PSD3: variants seen among roughly 807,000 people sequenced by gnomAD.
PSD3 encodes PH and SEC7 domain-containing protein 3.
In PSD3, 49 loss-of-function variants were observed where a neutral mutation model predicts 105.5. The ratio of observed to expected loss-of-function variants is 0.46; its 90% CI spans 0.37 to 0.59. The LOEUF is 0.59. Ranked by LOEUF, PSD3 falls within the 20% of genes least tolerant of loss-of-function variation. The pLI, the probability that PSD3 is intolerant of heterozygous loss-of-function variation, is 0.00. For synonymous variants in PSD3, 557 were observed against 457.8 expected (o/e 1.22, Z -2.77); for missense variants, 1,561 against 1,263.8 (o/e 1.24, Z -3.57).
chr8:18,924,041 G>A (rs1056751822), intron 2 of PSD3, among the ~76,000 whole-genome samples: 2 of 152,052 alleles, frequency 1.3e-5, no homozygotes, highest in African/African-American at 4.8e-5. Context: ...ACACTTCTTA[G>A]TTATCTTAGT....
chr8:18,565,188 AAGTCCCGACAT>A (rs1801659442), intron 14 of PSD3, among the ~76,000 whole-genome samples: 1 of 152,150 alleles, frequency 6.6e-6, no homozygotes, highest in African/African-American at 2.4e-5. Context: ...CATTTTCTGC[AAGTCCCGACAT>A]AGCTGTTGTG....
At chr8:18,548,064 T>C (rs1448889960) in intron 15 of PSD3, among the ~76,000 whole-genome samples, 4 of 152,232 alleles carry the variant, frequency 2.6e-5, no homozygotes, top group East Asian at 1.9e-4. Context: ...TCTCAGCTTC[T>C]TTCTTCTGCA....
chr8:18,632,645 C>G lies in PSD3; in HGVS notation c.2378G>C (p.Arg793Pro). 1 of 1,612,056 alleles carries G rather than the reference C, an allele frequency of 6.2e-7. No individual in the cohort carries two copies. Among genetic ancestry groups the G allele is most frequent in the Non-Finnish European group, 8.5e-7 (1 of 1,178,914 alleles). Reference protein sequence around the residue: ...AAVYKSGFLARKIHADMDGKK... With the variant: ...AAVYKSGFLAPKIHADMDGKK... ...TCCATCCATATCTGCATGAATTTTC[C>G]GAGCCAAGAATCCACTTTTGTACAC... The change falls in exon 11 of 16, where the codon CGG becomes CCG. Residue 793 changes from arginine to proline, a missense_variant. Transcript: ENST00000327040.
At chr8:18,808,675 T>C in intron 4 of PSD3, 2 of 1,569,706 alleles carry the variant, frequency 1.3e-6, no homozygotes, top group Non-Finnish European at 8.8e-7. Context: ...TTTCACAGTT[T>C]AGGAGATTAT....
At chr8:18,866,632 T>C (rs1816953817) in intron 4 of PSD3, among the ~76,000 whole-genome samples, 1 of 152,116 alleles carries the variant, frequency 6.6e-6, no homozygotes, top group African/African-American at 2.4e-5. Context: ...CACAAGAAAA[T>C]GCATAGCTAC....
At chr8:18,751,595 C>A (rs1217254205) in intron 9 of PSD3, among the ~76,000 whole-genome samples, 11 of 149,470 alleles carry the variant, frequency 7.4e-5, no homozygotes, top group Admixed American at 7.3e-4. Flanking sequence ...TAGTCACTAG[C>A]AACACTAAGG....
At chr8:18,714,427 GA>G (rs80018511) in intron 9 of PSD3, among the ~76,000 whole-genome samples, 1,362 of 108,594 alleles carry the variant, frequency 0.013, 12 homozygotes, top group African/African-American at 0.023. Flanking sequence ...AAATTTACAA[GA>G]AAAAAAAAAA....
chr8:18,843,132 G>C (rs556664127), intron 4 of PSD3, among the ~76,000 whole-genome samples: 3 of 152,030 alleles, frequency 2.0e-5, no homozygotes, highest in South Asian at 4.2e-4. Flanking sequence ...AGGCCGAGAC[G>C]GGCGGATCAC....
intron 10 of PSD3, among the ~76,000 whole-genome samples, chr8:18,637,477 C>G (rs779596012): frequency 1.7e-4 from 26 of 152,314 alleles, no homozygotes; most frequent in Admixed American, 8.5e-4. Flanking sequence ...TGGCCAACTC[C>G]TCTCTCCCAT....
At chr8:19,025,647 G>A (rs904020665) in intron 1 of PSD3, among the ~76,000 whole-genome samples, 4 of 152,172 alleles carry the variant, frequency 2.6e-5, no homozygotes. Context: ...TTGGTCAGAA[G>A]TACTGGTGGC....
At chr8:19,051,209 A>G (rs535745695) in intron 1 of PSD3, among the ~76,000 whole-genome samples, 10 of 152,194 alleles carry the variant, frequency 6.6e-5, no homozygotes, top group South Asian at 6.2e-4. Context: ...TCTGGTCCCA[A>G]TCGGGGGATG....
intron 1 of PSD3, among the ~76,000 whole-genome samples, chr8:19,074,716 G>T (rs1829404633): frequency 6.9e-6 from 1 of 145,762 alleles, no homozygotes; most frequent in Non-Finnish European, 1.5e-5. Flanking sequence ...CGCCTCCCGG[G>T]TTCACGCCAT....
chr8:18,564,763 C>T (rs1389485831), intron 14 of PSD3, among the ~76,000 whole-genome samples: 8 of 152,038 alleles, frequency 5.3e-5, no homozygotes, highest in Admixed American at 3.9e-4. Context: ...TCCCACTGCC[C>T]GTAAGGTCAG....
chr8:18,594,819 C>T (rs543679137), intron 12 of PSD3, among the ~76,000 whole-genome samples: 1 of 152,182 alleles, frequency 6.6e-6, no homozygotes, highest in South Asian at 2.1e-4. Context: ...CACATCACTT[C>T]ATTGGCATAG....
intron 1 of PSD3, among the ~76,000 whole-genome samples, chr8:19,069,556 C>A (rs1829185436): frequency 6.6e-6 from 1 of 152,272 alleles, no homozygotes; most frequent in Non-Finnish European, 1.5e-5. Flanking sequence ...GATTTGTACA[C>A]AAATACTTGA....
At chr8:18,963,812 A>G (rs1824076802) in intron 1 of PSD3, among the ~76,000 whole-genome samples, 2 of 152,216 alleles carry the variant, frequency 1.3e-5, no homozygotes, top group African/African-American at 4.8e-5. Flanking sequence ...CATGAAGCAA[A>G]TATGTCATTG....
intron 14 of PSD3, among the ~76,000 whole-genome samples, chr8:18,566,108 C>A (rs764107262): frequency 7.9e-5 from 12 of 152,116 alleles, no homozygotes; most frequent in Non-Finnish European, 1.6e-4. Context: ...TAGATATCCC[C>A]AAGAGCCTCA....
intron 1 of PSD3, among the ~76,000 whole-genome samples, chr8:19,007,870 G>A (rs879270558): frequency 6.6e-6 from 1 of 152,090 alleles, no homozygotes; most frequent in Middle Eastern, 3.4e-3. Context: ...TTGAGAGGGA[G>A]TCTCGCTCTG....
At chr8:18,989,929 G>C (rs1177092294) in intron 1 of PSD3, among the ~76,000 whole-genome samples, 1 of 152,122 alleles carries the variant, frequency 6.6e-6, no homozygotes, top group South Asian at 2.1e-4. Context: ...TATCCAACAA[G>C]AGTGCTACAT....
Sources: allele counts gnomAD v4.1 joint callset (sites outside exome capture counted in the v4.1 genomes callset), GRCh38; gene constraint gnomAD v4.1.1; transcripts MANE v1.5; gene names NCBI Gene and HGNC (gene_info 2026-07-23, HGNC 2026-07-21).